Variants in GRIK2 observed in about 807,000 individuals in gnomAD.
GRIK2 encodes the protein glutamate ionotropic receptor kainate type subunit 2, also known as glutamate receptor ionotropic, kainate 2.
Under a neutral mutation model 100.3 loss-of-function variants are expected in GRIK2, and 32 were observed. The observed-to-expected ratio is 0.32, with a 90% CI of 0.24 to 0.43. The LOEUF (loss-of-function observed/expected upper bound fraction) is 0.43. Ranked by LOEUF, GRIK2 falls within the 20% of genes least tolerant of loss-of-function variation. The pLI is 1.00. For synonymous variants in GRIK2, 417 were observed against 389.4 expected, an observed-to-expected ratio of 1.07 and a Z score of -0.83; for missense variants, 843 against 1,114.9, an observed-to-expected ratio of 0.76 and a Z score of 3.47.
At chr6:101,423,674 G>T (rs557441543) in intron 2 of GRIK2, among the ~76,000 whole-genome samples, 3 of 152,198 alleles carry the variant, frequency 2.0e-5, no homozygotes, top group Admixed American at 2.0e-4. Flanking sequence ...CTATTGAGTT[G>T]TAGGAACTTC....
chr6:101,396,903 T>G (rs563287662), intron 1 of GRIK2, among the ~76,000 whole-genome samples: 1 of 152,278 alleles, frequency 6.6e-6, no homozygotes, highest in Non-Finnish European at 1.5e-5. Context: ...GGGGATCAAT[T>G]AATATTAAAA....
chr6:101,779,686 G>T (rs17062480), intron 7 of GRIK2, among the ~76,000 whole-genome samples: 16,933 of 152,130 alleles, frequency 0.11, 2,060 homozygotes, highest in East Asian at 0.67. Flanking sequence ...TGTCTGGCTG[G>T]TACCTACCTA....
chr6:101,753,956 T>C (rs1776962168), intron 7 of GRIK2, among the ~76,000 whole-genome samples: 1 of 152,108 alleles, frequency 6.6e-6, no homozygotes, highest in Non-Finnish European at 1.5e-5. Context: ...TGTTTTTGAA[T>C]TAATTGAAGC....
Position 101,859,329 on chromosome 6 carries a change from T to A in GRIK2, c.1360T>A (p.Tyr454Asn). 1.2e-6 allele frequency: 2 copies of A among 1,605,930 alleles called. No individual in the cohort carries two copies. Among genetic ancestry groups the A allele is most frequent in the Non-Finnish European group, 1.7e-6 (2 of 1,172,816 alleles). ...TTTTAAGAAGTCTGACAAACCTCTC[T>A]ATGGTAATGATCGATTTGAAGGCTA... The part of the protein sequence containing the change: ...VLFKKSDKPL[Y>N]GNDRFEGYCI... The change falls in exon 11 of 17, where the codon TAT (tyrosine) becomes AAT (asparagine). Residue 454 changes from tyrosine to asparagine, a missense_variant. By Grantham distance (143) the Tyr-to-Asn change is moderately radical. Transcript: ENST00000369134.
At chr6:102,003,488 CTTTG>C (rs947239037) in intron 14 of GRIK2, among the ~76,000 whole-genome samples, 34 of 151,730 alleles carry the variant, frequency 2.2e-4, no homozygotes, top group African/African-American at 8.0e-4. Context: ...CATTTTAAAA[CTTTG>C]TTTCTTATTT....
At position 101,668,106 on chromosome 6, in the gene GRIK2, A is replaced by G. The variant is rs143740527; in HGVS notation, c.542-8517A>G. Reference sequence around the variant, plus strand: ...TCTGTAAAATTAGCATTCAGACTTGAGTATGTCCCAAGGAGACTAGCCCTC... The same window carrying G: ...TCTGTAAAATTAGCATTCAGACTTGGGTATGTCCCAAGGAGACTAGCCCTC... On this transcript the variant is annotated intron_variant, in intron 4 of 16. Transcript: ENST00000369134. Among the ~76,000 whole-genome samples, 55 of 152,304 alleles carry G rather than the reference A, an allele frequency of 3.6e-4. No individual in the cohort carries two copies. The East Asian group carries it at 7.5e-3, about 21-fold the overall frequency.
At chr6:101,777,203 G>A (rs1469042917) in intron 7 of GRIK2, among the ~76,000 whole-genome samples, 2 of 152,286 alleles carry the variant, frequency 1.3e-5, no homozygotes, top group East Asian at 1.9e-4. Context: ...CTCCCGACTG[G>A]GTCTGAGGGC....
rs1786437551 is a variant in GRIK2, at chr6:101,883,907, T to C, written c.1525-5733T>C. Among the ~76,000 whole-genome samples the C allele has an allele frequency of 2.0e-5, 3 of 152,184 alleles. No individual in the cohort carries two copies. The South Asian group carries it at 6.2e-4, about 32-fold the overall frequency. On this transcript the variant is annotated intron_variant, in intron 11 of 16. Coordinates refer to ENST00000369134, the MANE Select transcript of GRIK2 (RefSeq NM_021956.5). ...ATGCTTTGTAGGCAAACATGTTCTA[T>C]AAGTCATTGGAGGATACTGAGCAGA...
At chr6:101,550,557 A>T (rs1260831253) in intron 2 of GRIK2, among the ~76,000 whole-genome samples, 1 of 152,190 alleles carries the variant, frequency 6.6e-6, no homozygotes, top group African/African-American at 2.4e-5. Flanking sequence ...ACACTGCAGG[A>T]TACTTAAATC....
At chr6:101,686,487 C>A in intron 7 of GRIK2, 134 bp downstream of exon 7, 1 of 612,942 alleles carries the variant, frequency 1.6e-6, no homozygotes, top group Non-Finnish European at 2.9e-6. Flanking sequence ...ATCAGAGCTA[C>A]AATGCAAATA....
At chr6:101,611,120 C>T (rs1432466965) in intron 2 of GRIK2, among the ~76,000 whole-genome samples, 1 of 151,704 alleles carries the variant, frequency 6.6e-6, no homozygotes, top group Non-Finnish European at 1.5e-5. Context: ...ACTTATTTTC[C>T]ATCCACTACT....
chr6:101,690,253 A>G (rs1771998356), intron 7 of GRIK2, among the ~76,000 whole-genome samples: 1 of 152,116 alleles, frequency 6.6e-6, no homozygotes, highest in African/African-American at 2.4e-5. Context: ...AGATAATACC[A>G]CATATTTCCT....
intron 11 of GRIK2, among the ~76,000 whole-genome samples, chr6:101,883,959 A>G (rs62419303): frequency 0.2 from 30,444 of 152,080 alleles, 3,753 homozygotes; most frequent in South Asian, 0.32. Context: ...TGTGTTTTAG[A>G]AAGAACCTTC....
chr6:101,801,407 A>G (rs1365964910), intron 8 of GRIK2, among the ~76,000 whole-genome samples: 2 of 151,964 alleles, frequency 1.3e-5, no homozygotes, highest in African/African-American at 2.4e-5. Context: ...TTCATTTGTA[A>G]TTTATTAGCT....
At chr6:101,415,621 C>A (rs1312491713) in intron 2 of GRIK2, among the ~76,000 whole-genome samples, 2 of 152,002 alleles carry the variant, frequency 1.3e-5, no homozygotes, top group African/African-American at 4.8e-5. Context: ...CCACCCGCCT[C>A]GGCCTCCCAA....
chr6:101,981,551 G>T (rs890589852), intron 14 of GRIK2, among the ~76,000 whole-genome samples: 1 of 151,856 alleles, frequency 6.6e-6, no homozygotes, highest in Non-Finnish European at 1.5e-5. Context: ...TTTAGTAAAG[G>T]TTTCAGCTAT....
intron 7 of GRIK2, among the ~76,000 whole-genome samples, chr6:101,690,829 C>G (rs1424260626): frequency 6.6e-6 from 1 of 152,114 alleles, no homozygotes; most frequent in Non-Finnish European, 1.5e-5. Context: ...TTGGCATATT[C>G]CTACTCATAC....
At chr6:101,757,943 C>T (rs1777238191) in intron 7 of GRIK2, among the ~76,000 whole-genome samples, 1 of 152,154 alleles carries the variant, frequency 6.6e-6, no homozygotes, top group Non-Finnish European at 1.5e-5. Flanking sequence ...AAGAAATAAT[C>T]ACAACTGGGT....
rs906511587 is a variant in GRIK2 at position 101,922,076 on chromosome 6, TTTCCTTCCTTCC to T, written c.1749-2472_1749-2461del. 6.2e-4 allele frequency among the ~76,000 whole-genome samples: 68 copies of T among 110,318 alleles called. 1 individual carries two copies. In the South Asian group the frequency reaches 9.7e-3, roughly 16 times the overall value. 72.4% of individuals were successfully genotyped at this position (110,318 alleles called of 152,430 possible). On this transcript the variant is annotated intron_variant, in intron 12 of 16. Transcript: ENST00000369134. ...GATTCTTCCTTCCTACCTTTCTCCA[TTTCCTTCCTTCC>T]TTCCTTCCTTCCTTCCTTCCTTCCT...
Sources: gnomAD v4.1 joint callset for allele counts (sites outside exome capture counted in the v4.1 genomes callset) on GRCh38, gnomAD v4.1.1 for gene constraint, MANE v1.5 for transcripts, NCBI Gene and HGNC (gene_info 2026-07-23, HGNC 2026-07-21) for gene names.